Variants in CADM2 observed in about 807,000 individuals in gnomAD.
CADM2 encodes the protein cell adhesion molecule 2, also known as immunoglobulin superfamily member 4D.
CADM2 carries 12 observed loss-of-function variants against 49.8 expected under a neutral mutation model. The ratio of observed to expected loss-of-function variants is 0.24; its 90% confidence interval spans 0.15 to 0.39. CADM2 has a LOEUF of 0.39. Among genes scored for constraint, CADM2 ranks in the 10% least tolerant of loss-of-function variants. CADM2 has a pLI of 1.00. For synonymous variants in CADM2, 214 were observed against 175.4 expected (o/e 1.22, Z -1.74); for missense variants, 378 against 492.3 (o/e 0.77, Z 2.20).
At chr3:85,103,453 A>C (rs1244930982) in intron 1 of CADM2, among the ~76,000 whole-genome samples, 2 of 152,170 alleles carry the variant, frequency 1.3e-5, no homozygotes, top group Non-Finnish European at 2.9e-5. Context: ...GAGGGAGCAC[A>C]AGATAAATGA....
chr3:85,773,176 A>T (rs2107961697), intron 2 of CADM2, among the ~76,000 whole-genome samples: 1 of 152,148 alleles, frequency 6.6e-6, no homozygotes, highest in Non-Finnish European at 1.5e-5. Context: ...AATAAAAAAG[A>T]CCTGTCAAAA....
intron 8 of CADM2, among the ~76,000 whole-genome samples, chr3:86,028,604 C>T (rs1240001308): frequency 6.6e-6 from 1 of 152,090 alleles, no homozygotes; most frequent in South Asian, 2.1e-4. Flanking sequence ...ATTTTACAAC[C>T]TGTATATTTC....
intron 5 of CADM2, among the ~76,000 whole-genome samples, chr3:85,899,254 C>T (rs2108444622): frequency 6.6e-6 from 1 of 152,034 alleles, no homozygotes; most frequent in East Asian, 1.9e-4. Flanking sequence ...GTGTGAGCCA[C>T]CGCACTCAGC....
chr3:85,827,377 CT>C (rs2073967105), intron 3 of CADM2, among the ~76,000 whole-genome samples: 1 of 151,938 alleles, frequency 6.6e-6, no homozygotes, highest in East Asian at 1.9e-4. Context: ...CATTTTGTTA[CT>C]TTTTCAGGTG....
intron 1 of CADM2, among the ~76,000 whole-genome samples, chr3:85,158,284 A>T (rs184280971): frequency 1.3e-5 from 2 of 152,262 alleles, no homozygotes; most frequent in African/African-American, 4.8e-5. Context: ...ACAGTGTGGC[A>T]ATTCCTCAGG....
intron 1 of CADM2, among the ~76,000 whole-genome samples, chr3:85,084,075 C>A (rs1009374789): frequency 6.6e-6 from 1 of 152,078 alleles, no homozygotes; most frequent in African/African-American, 2.4e-5. Context: ...AAATAAGCTG[C>A]GTGATGTGAA....
At chr3:85,119,850 T>A (rs2038788842) in intron 1 of CADM2, among the ~76,000 whole-genome samples, 1 of 152,172 alleles carries the variant, frequency 6.6e-6, no homozygotes, top group South Asian at 2.1e-4. Flanking sequence ...ACATTGATTT[T>A]GTATCCTGAG....
chr3:85,772,008 C>CTTTTTTTTT (rs397938377), intron 2 of CADM2, among the ~76,000 whole-genome samples: 62 of 112,160 alleles, frequency 5.5e-4, no homozygotes, highest in African/African-American at 1.5e-3. Flanking sequence ...TTCTTTCTTT[C>CTTTTTTTTT]TTTTTTTTTT....
At chr3:85,705,521 A>G (rs1009733680) in intron 1 of CADM2, among the ~76,000 whole-genome samples, 13 of 152,224 alleles carry the variant, frequency 8.5e-5, no homozygotes, top group Admixed American at 6.5e-4. Context: ...GACAATTTTA[A>G]TAAAAGTATG....
intron 1 of CADM2, among the ~76,000 whole-genome samples, chr3:85,532,265 C>T (rs1227186412): frequency 6.6e-6 from 1 of 152,090 alleles, no homozygotes; most frequent in Non-Finnish European, 1.5e-5. Flanking sequence ...CAGTATTCTC[C>T]CTCCTCAAAC....
At chr3:84,986,596 A>C (rs1317286408) in intron 1 of CADM2, among the ~76,000 whole-genome samples, 5 of 151,612 alleles carry the variant, frequency 3.3e-5, no homozygotes, top group Non-Finnish European at 5.9e-5. Flanking sequence ...CACTCTGGGG[A>C]CTGTTGTGGG....
intron 1 of CADM2, among the ~76,000 whole-genome samples, chr3:85,227,428 CAG>C (rs1281838854): frequency 6.8e-6 from 1 of 147,800 alleles, no homozygotes. Flanking sequence ...TCTGCCTTAT[CAG>C]AGACTAGGAT....
intron 1 of CADM2, among the ~76,000 whole-genome samples, chr3:85,244,562 T>C (rs151045008): frequency 1.3e-5 from 2 of 152,314 alleles, no homozygotes; most frequent in East Asian, 3.9e-4. Context: ...TATAACAATT[T>C]AGCTGTTATT....
chr3:85,212,812 C>CTTTCTTTCTTTCTTTCTT (rs1275410284), intron 1 of CADM2, among the ~76,000 whole-genome samples: 5 of 102,542 alleles, frequency 4.9e-5, no homozygotes, highest in African/African-American at 1.5e-4. Context: ...TCTTTTTCTT[C>CTTTCTTTCTTTCTTTCTT]TCTTTCTTTC....
chr3:85,627,718 A>G (rs531797863), intron 1 of CADM2, among the ~76,000 whole-genome samples: 3 of 152,046 alleles, frequency 2.0e-5, no homozygotes, highest in Non-Finnish European at 4.4e-5. Context: ...CAATGACAAA[A>G]CAAAACAAAT....
At chr3:86,037,795 G>A (rs75982928) in intron 8 of CADM2, among the ~76,000 whole-genome samples, 3,123 of 152,036 alleles carry the variant, frequency 0.021, 88 homozygotes, top group African/African-American at 0.062. Context: ...ATTAACTTAG[G>A]GCTAAGAGTT....
chr3:85,931,155 G>A (rs553266728), intron 6 of CADM2, among the ~76,000 whole-genome samples: 22 of 152,014 alleles, frequency 1.4e-4, no homozygotes, highest in Admixed American at 6.6e-4. Flanking sequence ...GGAGGATCAC[G>A]TGAGGCCAGG....
At chr3:85,328,900 C>A (rs377668401) in intron 1 of CADM2, among the ~76,000 whole-genome samples, 54 of 137,236 alleles carry the variant, frequency 3.9e-4, no homozygotes, top group South Asian at 7.2e-4. Flanking sequence ...TGTCTTCCCT[C>A]AAAAAAAAAA....
chr3:85,414,186 A>G (rs2035806768), intron 1 of CADM2, among the ~76,000 whole-genome samples: 1 of 152,136 alleles, frequency 6.6e-6, no homozygotes, highest in Non-Finnish European at 1.5e-5. Flanking sequence ...TATTTGTGAC[A>G]TTAATGTGTG....
Sources: allele counts gnomAD v4.1 joint callset (sites outside exome capture counted in the v4.1 genomes callset), GRCh38; gene constraint gnomAD v4.1.1; transcripts MANE v1.5; gene names NCBI Gene and HGNC (gene_info 2026-07-23, HGNC 2026-07-21).